Variants in GPC5 observed in about 807,000 individuals in gnomAD.
GPC5 encodes glypican 5, also known as glypican-5.
GPC5 carries 47 observed loss-of-function variants against 53.9 expected under a neutral mutation model. That is an observed-to-expected ratio of 0.87 (90% confidence interval 0.69 to 1.11). GPC5 has a LOEUF of 1.11. Among genes scored for constraint, GPC5 ranks in the 50% most tolerant of loss-of-function variants. The pLI, the probability that GPC5 is intolerant of heterozygous loss-of-function variation, is 0.00. For synonymous variants in GPC5, 286 were observed against 263.3 expected (o/e 1.09, Z -0.84); for missense variants, 748 against 713.1 (o/e 1.05, Z -0.56).
At chr13:91,748,390 A>C (rs761218319) in intron 4 of GPC5, among the ~76,000 whole-genome samples, 2 of 152,206 alleles carry the variant, frequency 1.3e-5, no homozygotes, top group Non-Finnish European at 2.9e-5. Context: ...GAATCTAGGA[A>C]TAGGTCCCCT....
chr13:92,148,510 G>T (rs1030058939), intron 7 of GPC5, among the ~76,000 whole-genome samples: 1 of 152,052 alleles, frequency 6.6e-6, no homozygotes. Context: ...CTCAAAGAAA[G>T]AAGCCATCTA....
intron 7 of GPC5, among the ~76,000 whole-genome samples, chr13:92,472,173 A>T (rs2139423059): frequency 6.6e-6 from 1 of 152,270 alleles, no homozygotes; most frequent in Non-Finnish European, 1.5e-5. Flanking sequence ...GAACTTGGGC[A>T]TATTACTCCT....
intron 7 of GPC5, among the ~76,000 whole-genome samples, chr13:92,598,807 A>G (rs1883955425): frequency 6.6e-6 from 1 of 152,202 alleles, no homozygotes. Context: ...CCCTGAGGTC[A>G]GGAGTTCGAG....
chr13:92,702,450 A>G (rs1887784252), intron 7 of GPC5, among the ~76,000 whole-genome samples: 1 of 152,048 alleles, frequency 6.6e-6, no homozygotes, highest in Non-Finnish European at 1.5e-5. Context: ...CTTTCAAACT[A>G]AGTAATAATT....
At chr13:92,468,883 C>A (rs1294038375) in intron 7 of GPC5, among the ~76,000 whole-genome samples, 1 of 152,144 alleles carries the variant, frequency 6.6e-6, no homozygotes, top group East Asian at 1.9e-4. Context: ...CTTTGCCTTG[C>A]TGTTTTCTCA....
At chr13:92,647,805 G>C (rs147900597) in intron 7 of GPC5, among the ~76,000 whole-genome samples, 7 of 152,090 alleles carry the variant, frequency 4.6e-5, no homozygotes, top group African/African-American at 1.7e-4. Flanking sequence ...AATTTAAGTA[G>C]AATATATGAT....
At chr13:91,697,765 A>G (rs2135214) in intron 3 of GPC5, among the ~76,000 whole-genome samples, 11,336 of 152,174 alleles carry the variant, frequency 0.074, 593 homozygotes, top group East Asian at 0.32. Context: ...ATAATTTGAC[A>G]CTTTAACTTA....
At chr13:92,825,374 C>T (rs573616116) in intron 7 of GPC5, among the ~76,000 whole-genome samples, 7 of 152,032 alleles carry the variant, frequency 4.6e-5, no homozygotes, top group South Asian at 2.1e-4. Context: ...ACCTATAATG[C>T]GCATGCAATA....
chr13:91,688,736 A>G (rs558047399), intron 2 of GPC5, among the ~76,000 whole-genome samples: 59 of 152,098 alleles, frequency 3.9e-4, no homozygotes, highest in African/African-American at 1.4e-3. Flanking sequence ...TCTGCTACAC[A>G]CCTAGGCTAT....
intron 7 of GPC5, among the ~76,000 whole-genome samples, chr13:92,592,235 T>C (rs952267398): frequency 3.3e-5 from 5 of 152,156 alleles, no homozygotes; most frequent in Non-Finnish European, 1.5e-5. Flanking sequence ...GAAGAGAAGA[T>C]GTTCTAGAAT....
intron 6 of GPC5, among the ~76,000 whole-genome samples, chr13:91,953,513 A>G (rs536966483): frequency 4.6e-5 from 7 of 152,354 alleles, no homozygotes; most frequent in Middle Eastern, 3.4e-3. Context: ...GAAAAATGAT[A>G]GAAGACACCA....
chr13:91,978,712 C>T (rs1295828795), intron 6 of GPC5, among the ~76,000 whole-genome samples: 1 of 152,050 alleles, frequency 6.6e-6, no homozygotes, highest in Non-Finnish European at 1.5e-5. Context: ...ATTTTAAATG[C>T]ATTAAAAAGT....
chr13:91,866,987 G>A (rs186335825), intron 5 of GPC5, among the ~76,000 whole-genome samples: 8 of 152,226 alleles, frequency 5.3e-5, no homozygotes, highest in Admixed American at 2.0e-4. Flanking sequence ...AGGCCAAGGC[G>A]GGCAGATCAC....
chr13:92,383,747 A>G (rs1484063978), intron 7 of GPC5, among the ~76,000 whole-genome samples: 1 of 152,210 alleles, frequency 6.6e-6, no homozygotes, highest in Non-Finnish European at 1.5e-5. Flanking sequence ...TTAATGACTC[A>G]TGTCCTAAGT....
At chr13:92,748,462 G>T (rs1889296267) in intron 7 of GPC5, among the ~76,000 whole-genome samples, 2 of 151,730 alleles carry the variant, frequency 1.3e-5, no homozygotes. Flanking sequence ...CTCCTGAGTA[G>T]CTGGTATTAC....
At chr13:92,587,411 T>G (rs981522324) in intron 7 of GPC5, among the ~76,000 whole-genome samples, 10 of 152,200 alleles carry the variant, frequency 6.6e-5, no homozygotes, top group Admixed American at 2.6e-4. Context: ...CTCTCAAGGT[T>G]TACAAGTAAA....
intron 2 of GPC5, among the ~76,000 whole-genome samples, chr13:91,575,900 A>G (rs143629578): frequency 3.3e-5 from 5 of 152,334 alleles, no homozygotes; most frequent in Non-Finnish European, 7.3e-5. Context: ...TTTCAGTGTC[A>G]AAGAATTCTA....
intron 2 of GPC5, among the ~76,000 whole-genome samples, chr13:91,503,823 G>C (rs1884796525): frequency 1.1e-5 from 1 of 89,820 alleles, no homozygotes; most frequent in African/African-American, 4.3e-5. Flanking sequence ...TAATAATCAG[G>C]CTGTTGTGGC....
chr13:92,463,670 A>G (rs1878581194), intron 7 of GPC5, among the ~76,000 whole-genome samples: 1 of 152,140 alleles, frequency 6.6e-6, no homozygotes, highest in African/African-American at 2.4e-5. Flanking sequence ...TCCTTGTAAC[A>G]TAGATACATA....
Sources: gnomAD v4.1 joint callset for allele counts (sites outside exome capture counted in the v4.1 genomes callset) on GRCh38, gnomAD v4.1.1 for gene constraint, MANE v1.5 for transcripts, NCBI Gene and HGNC (gene_info 2026-07-23, HGNC 2026-07-21) for gene names.